The following PRKAR2A variants were observed in gnomAD, a reference collection of about 807,000 sequenced individuals.
The protein encoded by PRKAR2A is cAMP-dependent protein kinase type II-alpha regulatory subunit.
PRKAR2A carries 29 observed loss-of-function variants against 51.9 expected under a neutral mutation model. The ratio of observed to expected loss-of-function variants is 0.56; its 90% CI spans 0.42 to 0.76. The LOEUF (loss-of-function observed/expected upper bound fraction) is 0.76, where lower values mean the gene tolerates loss of function less well. PRKAR2A is among the 30% of genes least tolerant of loss of function. The probability of loss-of-function intolerance (pLI) is 0.00; values close to 1 mark genes in which losing one functional copy is unlikely to be tolerated. For missense variants in PRKAR2A, 445 were observed against 512.1 expected (o/e 0.87, Z 1.26); for synonymous variants, 178 against 186.2 (o/e 0.96, Z 0.36).
intron 8 of PRKAR2A, among the ~76,000 whole-genome samples, 153 bp downstream of exon 8, chr3:48,764,851 C>G (rs1039105503): frequency 2.6e-5 from 4 of 152,204 alleles, no homozygotes; most frequent in Non-Finnish European, 5.9e-5. Context: ...TCTTGAACTC[C>G]TGGCCTCAAG....
At chr3:48,762,143 G>A (rs2081872726) in intron 8 of PRKAR2A, among the ~76,000 whole-genome samples, 1 of 152,156 alleles carries the variant, frequency 6.6e-6, no homozygotes, top group Non-Finnish European at 1.5e-5. Context: ...ATGAAGGCCA[G>A]GTGCGGAGGT....
intron 2 of PRKAR2A, among the ~76,000 whole-genome samples, chr3:48,796,600 T>G (rs1361026334): frequency 1.2e-4 from 18 of 152,032 alleles, no homozygotes; most frequent in Admixed American, 1.2e-3. Context: ...GTTCAAGCGA[T>G]TCTCCTGCTT....
intron 5 of PRKAR2A, among the ~76,000 whole-genome samples, chr3:48,779,600 G>A (rs1256577021): frequency 6.6e-6 from 1 of 151,504 alleles, no homozygotes; most frequent in Non-Finnish European, 1.5e-5. Flanking sequence ...GGCCAACACG[G>A]TGAAACCCCA....
chr3:48,745,198 C>T (rs1434413700), downstream of PRKAR2A, among the ~76,000 whole-genome samples: 1 of 147,256 alleles, frequency 6.8e-6, no homozygotes, highest in Non-Finnish European at 1.5e-5. Context: ...TTTTCAGACA[C>T]CGTGCCAGGC....
In PRKAR2A at chr3:48,765,345, C is replaced by T. The variant is rs1408830026; in HGVS notation, c.701G>A (p.Arg234Gln). The part of the protein sequence containing the change: ...TSEGSLWGLD[R>Q]VTFRRIIVKN... ...CACTATGATTCTTCTAAAAGTCACC[C>T]GGTCCTACAAGAAAGAATATGAAAA... The change falls in exon 7 of 11, where the codon CGG (arginine) becomes CAG (glutamine). Residue 234 changes from arginine to glutamine, a missense_variant. Coordinates refer to ENST00000265563, the MANE Select transcript of PRKAR2A (RefSeq NM_004157.4). 3.8e-6 allele frequency: 6 copies of T among 1,598,422 alleles called. No homozygotes were observed. Among genetic ancestry groups the T allele is most frequent in the South Asian group, 1.1e-5 (1 of 88,764 alleles).
At chr3:48,831,693 T>C (rs2083190853) in intron 1 of PRKAR2A, among the ~76,000 whole-genome samples, 2 of 152,120 alleles carry the variant, frequency 1.3e-5, no homozygotes, top group African/African-American at 4.8e-5. Flanking sequence ...CTTGGCTCAC[T>C]GCAACCTTCA....
intron 4 of PRKAR2A, among the ~76,000 whole-genome samples, chr3:48,783,582 TG>T (rs2082238642): frequency 6.6e-6 from 1 of 151,910 alleles, no homozygotes; most frequent in East Asian, 1.9e-4. Flanking sequence ...GTATCTTGTT[TG>T]TTTTTTTTTG....
chr3:48,839,321 GCA>G (rs1394531187), intron 1 of PRKAR2A, among the ~76,000 whole-genome samples: 1 of 149,842 alleles, frequency 6.7e-6, no homozygotes, highest in African/African-American at 2.5e-5. Flanking sequence ...GGTGACGGCT[GCA>G]CACAGATATG....
At chr3:48,764,044 C>A (rs73080349) in intron 8 of PRKAR2A, among the ~76,000 whole-genome samples, 156 of 152,296 alleles carry the variant, frequency 1.0e-3, no homozygotes, top group Admixed American at 2.2e-3. Flanking sequence ...AGGACCCACA[C>A]CTGACCAATC....
chr3:48,782,898 G>A (rs1559617657), intron 5 of PRKAR2A, 88 bp downstream of exon 5: 4 of 971,382 alleles, frequency 4.1e-6, no homozygotes, highest in East Asian at 2.4e-5. Flanking sequence ...AGCCTCTCTG[G>A]GCTGAATACA....
chr3:48,828,891 T>C (rs889729260), intron 1 of PRKAR2A, among the ~76,000 whole-genome samples: 1 of 151,862 alleles, frequency 6.6e-6, no homozygotes, highest in Non-Finnish European at 1.5e-5. Context: ...TGGAGTGCAG[T>C]AGCGCGATCT....
At chr3:48,844,408 C>T (rs1197824815) in intron 1 of PRKAR2A, among the ~76,000 whole-genome samples, 1 of 149,806 alleles carries the variant, frequency 6.7e-6, no homozygotes, top group East Asian at 2.0e-4. Context: ...ACTAGTTCAA[C>T]CATTGTGGAA....
At chr3:48,777,615 C>T (rs1265174622) in intron 5 of PRKAR2A, among the ~76,000 whole-genome samples, 1 of 152,120 alleles carries the variant, frequency 6.6e-6, no homozygotes. Flanking sequence ...CTGTGTTAGC[C>T]AGGATGGTCT....
intron 6 of PRKAR2A, among the ~76,000 whole-genome samples, chr3:48,768,032 T>G (rs756708482): frequency 2.1e-4 from 31 of 148,820 alleles, no homozygotes; most frequent in Admixed American, 1.2e-3. Context: ...CACGACTGTA[T>G]TCCCAGCACT....
At chr3:48,820,049 T>G (rs1051667275) in intron 1 of PRKAR2A, among the ~76,000 whole-genome samples, 1 of 152,178 alleles carries the variant, frequency 6.6e-6, no homozygotes, top group Admixed American at 6.6e-5. Flanking sequence ...GGTAACTTGC[T>G]TGGAACAAGC....
chr3:48,777,697 G>T (rs546634654), intron 5 of PRKAR2A, among the ~76,000 whole-genome samples: 1 of 152,016 alleles, frequency 6.6e-6, no homozygotes, highest in East Asian at 1.9e-4. Context: ...GAGGCACCGC[G>T]CCAGGCCTTT....
intron 1 of PRKAR2A, among the ~76,000 whole-genome samples, chr3:48,838,336 G>A (rs1017833457): frequency 1.3e-5 from 2 of 152,166 alleles, no homozygotes; most frequent in African/African-American, 2.4e-5. Context: ...ACCGGGCGCA[G>A]TGGCTCACAC....
chr3:48,764,593 A>G (rs1295842456), intron 8 of PRKAR2A, among the ~76,000 whole-genome samples: 3 of 152,120 alleles, frequency 2.0e-5, no homozygotes, highest in Non-Finnish European at 4.4e-5. Flanking sequence ...TTACCTGGTA[A>G]TAAGAGCTCC....
At chr3:48,814,221 C>T (rs1249062929) in intron 1 of PRKAR2A, among the ~76,000 whole-genome samples, 1 of 151,868 alleles carries the variant, frequency 6.6e-6, no homozygotes, top group African/African-American at 2.4e-5. Context: ...GCACTCCAGT[C>T]TGGCGACAGA....
Sources: gnomAD v4.1 joint callset for allele counts (sites outside exome capture counted in the v4.1 genomes callset) on GRCh38, gnomAD v4.1.1 for gene constraint, MANE v1.5 for transcripts, NCBI Gene and HGNC (gene_info 2026-07-23, HGNC 2026-07-21) for gene names.